Variants in CAST observed in about 807,000 individuals in gnomAD.
CAST encodes MIR583 host.
Under a neutral mutation model 119.6 loss-of-function variants are expected in CAST, and 76 were observed. That is an observed-to-expected ratio of 0.64 (90% CI 0.53 to 0.77). The LOEUF (loss-of-function observed/expected upper bound fraction) is 0.77, where lower values mean the gene tolerates loss of function less well. Ranked by LOEUF, CAST falls within the 30% of genes least tolerant of loss-of-function variation. CAST has a pLI of 0.00. For missense variants in CAST, 953 were observed against 946.5 expected (o/e 1.01, Z -0.09); for synonymous variants, 319 against 331.6 (o/e 0.96, Z 0.41).
At chr5:96,151,761 C>T in the CAST span, among the ~76,000 whole-genome samples, 1 of 152,168 alleles carries the variant, frequency 6.6e-6, no homozygotes, top group Admixed American at 6.5e-5. Flanking sequence ...TTGTGCAGGG[C>T]ACTGAGTTAA....
At position 96,751,540 on chromosome 5, in the gene CAST, G is replaced by A. The variant is rs147265935; in HGVS notation, c.1524+858G>A. Among the ~76,000 whole-genome samples, 348 of 152,242 alleles carry A rather than the reference G, an allele frequency of 2.3e-3. 5 individuals carry two copies. The highest frequency in any genetic ancestry group is 7.9e-3 in the African/African-American group (329 of 41,544). On this transcript the variant is annotated intron_variant, in intron 20 of 31. Coordinates refer to ENST00000675179, the MANE Select transcript of CAST (RefSeq NM_001750.7). Reference sequence around the variant, plus strand: ...TCTCAGCTGTCTTCAAGACTAGTGTGGATATGAGCCCTCCCCAGTTTTTTG... The same window carrying A: ...TCTCAGCTGTCTTCAAGACTAGTGTAGATATGAGCCCTCCCCAGTTTTTTG...
the CAST span, among the ~76,000 whole-genome samples, chr5:96,374,741 C>T: frequency 2.6e-5 from 4 of 152,102 alleles, no homozygotes; most frequent in African/African-American, 7.2e-5. Context: ...CAGATGCACC[C>T]CTACCAAAGA....
chr5:96,616,870 T>C (rs1747468748), intron 1 of CAST, among the ~76,000 whole-genome samples: 1 of 151,814 alleles, frequency 6.6e-6, no homozygotes, highest in Non-Finnish European at 1.5e-5. Context: ...AAAAAAATTT[T>C]TGGTAGTGGG....
At chr5:96,722,741 T>G (rs942294113) in intron 4 of CAST, 43 bp downstream of exon 4, 1 of 1,410,462 alleles carries the variant, frequency 7.1e-7, no homozygotes. Context: ...TTAAGTTGAT[T>G]GTGCTGCAAA....
rs759638661 is a variant in CAST at position 96,727,547 on chromosome 5, TGTTA to T, written c.378+26_378+29del. The T allele has an allele frequency of 2.5e-5, 38 of 1,500,726 alleles. No individual in the cohort carries two copies. The East Asian group carries it at 3.0e-4, about 12-fold the overall frequency. The allele number at this position is 1,500,726 out of a possible 1,614,324, so 93.0% of individuals were successfully genotyped here. A position where few individuals can be genotyped will look rare whatever the true frequency, so the allele number is the denominator to read the frequency against. On this transcript the variant is annotated intron_variant, in intron 6 of 31. Coordinates refer to ENST00000675179, the MANE Select transcript of CAST (RefSeq NM_001750.7). ...TCAACCAAGGTAAATAGTTTAAGTCTGTTAGTTAGTTATTTGGATTCTTTTTAAT... is the reference window on the plus strand; with the variant it reads ...TCAACCAAGGTAAATAGTTTAAGTCTGTTAGTTATTTGGATTCTTTTTAAT...
the CAST span, among the ~76,000 whole-genome samples, chr5:96,184,093 T>C: frequency 6.6e-6 from 1 of 152,190 alleles, no homozygotes; most frequent in South Asian, 2.1e-4. Context: ...AAATTATACA[T>C]ACTGACATTG....
chr5:96,264,992 C>T, the CAST span, among the ~76,000 whole-genome samples: 2 of 152,082 alleles, frequency 1.3e-5, no homozygotes, highest in African/African-American at 4.8e-5. Context: ...ACATTCCGGT[C>T]CATGTATTTA....
At chr5:96,363,488 G>T in the CAST span, among the ~76,000 whole-genome samples, 1 of 152,144 alleles carries the variant, frequency 6.6e-6, no homozygotes, top group African/African-American at 2.4e-5. Context: ...TCTTCCATTT[G>T]TTTGTGTCCT....
chr5:96,507,181 CT>C, the CAST span, among the ~76,000 whole-genome samples: 1 of 151,968 alleles, frequency 6.6e-6, no homozygotes, highest in African/African-American at 2.4e-5. Flanking sequence ...AAGCTGAGAC[CT>C]GGGGATGAGA....
the CAST span, among the ~76,000 whole-genome samples, chr5:96,193,705 A>C: frequency 6.6e-6 from 1 of 152,160 alleles, no homozygotes; most frequent in Non-Finnish European, 1.5e-5. Flanking sequence ...GAAGAAGGAG[A>C]TCTGGTTGTT....
At chr5:95,981,701 C>T in the CAST span, among the ~76,000 whole-genome samples, 5 of 152,198 alleles carry the variant, frequency 3.3e-5, no homozygotes, top group East Asian at 9.7e-4. Context: ...TAGTGAAACC[C>T]CATCTCTACT....
At chr5:96,507,990 CATTATTATT>C in the CAST span, among the ~76,000 whole-genome samples, 2,829 of 142,250 alleles carry the variant, frequency 0.02, 108 homozygotes, top group African/African-American at 0.067. Flanking sequence ...ATATCCCTGA[CATTATTATT>C]ATTATTATTA....
chr5:96,565,082 G>GTGTA (rs765847202), intron 1 of CAST, among the ~76,000 whole-genome samples: 1 of 150,788 alleles, frequency 6.6e-6, no homozygotes, highest in Non-Finnish European at 1.5e-5. Flanking sequence ...GGAAAGGTGT[G>GTGTA]TGTGTGTGTG....
chr5:96,050,707 TG>T, the CAST span, among the ~76,000 whole-genome samples: 7 of 152,256 alleles, frequency 4.6e-5, no homozygotes, highest in Admixed American at 3.3e-4. Flanking sequence ...CAATCCCTGC[TG>T]GGGTGGAAGG....
chr5:96,497,666 G>A, the CAST span, among the ~76,000 whole-genome samples: 5 of 152,146 alleles, frequency 3.3e-5, no homozygotes, highest in Admixed American at 6.5e-5. Context: ...CTTCTTTTCA[G>A]AAGTGTCTGT....
chr5:96,070,701 T>C, the CAST span, among the ~76,000 whole-genome samples: 1 of 152,168 alleles, frequency 6.6e-6, no homozygotes, highest in African/African-American at 2.4e-5. Flanking sequence ...AGCACATCAG[T>C]GTGGAGACAG....
chr5:96,531,768 A>T (rs998936437), intron 1 of CAST, among the ~76,000 whole-genome samples: 1 of 152,218 alleles, frequency 6.6e-6, no homozygotes, highest in African/African-American at 2.4e-5. Context: ...ATGTCTGCAG[A>T]GAGATTTAAG....
chr5:96,022,513 A>T, the CAST span, among the ~76,000 whole-genome samples: 1 of 152,224 alleles, frequency 6.6e-6, no homozygotes, highest in Non-Finnish European at 1.5e-5. Context: ...TTCTCCAGGA[A>T]TCCTCCCAAG....
the CAST span, among the ~76,000 whole-genome samples, chr5:96,227,511 C>G: frequency 6.6e-6 from 1 of 152,200 alleles, no homozygotes; most frequent in South Asian, 2.1e-4. Context: ...CTGGACCGCT[C>G]AGGTTTTTTT....
Sources: allele counts gnomAD v4.1 joint callset (sites outside exome capture counted in the v4.1 genomes callset), GRCh38; gene constraint gnomAD v4.1.1; transcripts MANE v1.5; gene names NCBI Gene and HGNC (gene_info 2026-07-23, HGNC 2026-07-21).